The following RALGPS2 variants were observed in gnomAD, a reference collection of about 807,000 sequenced individuals.
RALGPS2 encodes the protein Ral GEF with PH domain and SH3 binding motif 2.
In RALGPS2, 43 loss-of-function variants were observed where a neutral mutation model predicts 86.8. That is an observed-to-expected ratio of 0.50 (90% CI 0.39 to 0.64). The LOEUF is 0.64. Among genes scored for constraint, RALGPS2 ranks in the 30% least tolerant of loss-of-function variants. The probability of loss-of-function intolerance (pLI) is 0.00; values close to 1 mark genes in which losing one functional copy is unlikely to be tolerated. For missense variants in RALGPS2, 536 were observed against 694.6 expected, an observed-to-expected ratio of 0.77 and a Z score of 2.57; for synonymous variants, 243 against 231.3, an observed-to-expected ratio of 1.05 and a Z score of -0.46.
chr1:178,785,714 A>G (rs1039161478), intron 4 of RALGPS2, 107 bp downstream of exon 4: 2 of 1,385,924 alleles, frequency 1.4e-6, no homozygotes, highest in South Asian at 1.6e-5. Flanking sequence ...AAAATGTTTG[A>G]AGCTTGTGTT....
intron 4 of RALGPS2, among the ~76,000 whole-genome samples, chr1:178,793,928 G>A (rs1392234250): frequency 6.6e-6 from 1 of 152,096 alleles, no homozygotes; most frequent in African/African-American, 2.4e-5. Context: ...ATTTTCCAAT[G>A]CTGAGTAGGG....
intron 17 of RALGPS2, among the ~76,000 whole-genome samples, chr1:178,899,604 C>T (rs995955214): frequency 6.6e-6 from 1 of 150,716 alleles, no homozygotes; most frequent in African/African-American, 2.4e-5. Context: ...CATAGCACCA[C>T]CTGTATTGTT....
At chr1:178,754,187 G>A (rs1294662133) in intron 1 of RALGPS2, among the ~76,000 whole-genome samples, 2 of 151,478 alleles carry the variant, frequency 1.3e-5, no homozygotes, top group African/African-American at 4.8e-5. Context: ...CAGTGTATTA[G>A]GGTTCTCCAG....
chr1:178,838,769 A>G (rs1027459654), intron 8 of RALGPS2, among the ~76,000 whole-genome samples: 2 of 152,194 alleles, frequency 1.3e-5, no homozygotes, highest in African/African-American at 4.8e-5. Flanking sequence ...ACCTTGAGAA[A>G]AGATCAGACG....
At chr1:178,771,253 TA>T (rs761876523) in intron 1 of RALGPS2, among the ~76,000 whole-genome samples, 3 of 152,200 alleles carry the variant, frequency 2.0e-5, no homozygotes, top group African/African-American at 4.8e-5. Context: ...AAGCATTTAC[TA>T]CCATCCAGTA....
intron 1 of RALGPS2, chr1:178,746,658 G>A: frequency 1.3e-6 from 1 of 768,664 alleles, no homozygotes; most frequent in South Asian, 1.3e-5. Context: ...ATTTATAGCT[G>A]CAGAATATTC....
intron 1 of RALGPS2, among the ~76,000 whole-genome samples, chr1:178,727,042 G>A (rs79254270): frequency 0.033 from 5,003 of 152,274 alleles, 95 homozygotes; most frequent in Middle Eastern, 0.058. Flanking sequence ...AAGCTTTGTA[G>A]GCATGAAGTT....
At position 178,785,988 on chromosome 1, in the gene RALGPS2, C is replaced by T. The variant is rs1388169072; in HGVS notation, c.213+381C>T. Among the ~76,000 whole-genome samples, 8 of 152,120 alleles carry T rather than the reference C, an allele frequency of 5.3e-5. No individual in the cohort carries two copies. The South Asian group carries it at 8.3e-4, about 16-fold the overall frequency. Reference sequence around the variant, plus strand: ...TTGTATGTTATATGTATTTTGTACTCGGTTCTTACAATAAACTAGAGAAAA... The same window carrying T: ...TTGTATGTTATATGTATTTTGTACTTGGTTCTTACAATAAACTAGAGAAAA... On this transcript the variant is annotated intron_variant, in intron 4 of 19. Transcript: ENST00000367635.
chr1:178,749,507 T>G (rs1281533389), intron 1 of RALGPS2, among the ~76,000 whole-genome samples: 1 of 152,150 alleles, frequency 6.6e-6, no homozygotes. Context: ...AAAGACAACC[T>G]TGAGGAGAGA....
chr1:178,748,184 A>G lies in RALGPS2; in HGVS notation c.-84+22765A>G, dbSNP rs539710441. Among the ~76,000 whole-genome samples, 51 of 152,110 alleles carry G rather than the reference A, an allele frequency of 3.4e-4. No homozygotes were observed. The Middle Eastern group carries it at 0.01, about 30-fold the overall frequency. ...AAAATACAAAAATTAGCTGGGCATC[A>G]TGGCATATGCCTGTAATCCCAGCCA... On this transcript the variant is annotated intron_variant, in intron 1 of 19. Transcript: ENST00000367635.
At chr1:178,797,689 T>G (rs1287001797) in intron 4 of RALGPS2, among the ~76,000 whole-genome samples, 1 of 152,082 alleles carries the variant, frequency 6.6e-6, no homozygotes. Context: ...ACCAAGAAAT[T>G]GATATTTTTA....
intron 1 of RALGPS2, among the ~76,000 whole-genome samples, chr1:178,774,299 A>G (rs1434886084): frequency 6.6e-6 from 1 of 152,116 alleles, no homozygotes; most frequent in African/African-American, 2.4e-5. Flanking sequence ...AGGAGAGAAA[A>G]TGTGATTCTT....
At chr1:178,771,267 G>A (rs1652800279) in intron 1 of RALGPS2, among the ~76,000 whole-genome samples, 1 of 152,194 alleles carries the variant, frequency 6.6e-6, no homozygotes, top group South Asian at 2.1e-4. Context: ...ATCCAGTACA[G>A]GACCTTTAGT....
intron 1 of RALGPS2, among the ~76,000 whole-genome samples, chr1:178,739,725 C>T (rs1437320936): frequency 6.6e-6 from 1 of 152,136 alleles, no homozygotes; most frequent in Admixed American, 6.5e-5. Context: ...TTCAAGAGAT[C>T]CAAAAGGTGA....
chr1:178,853,635 C>G lies in RALGPS2; in HGVS notation c.607+20085C>G, dbSNP rs2102297995. 3.1e-6 allele frequency: 5 copies of G among 1,607,942 alleles called. No individual in the cohort carries two copies. The highest frequency in any genetic ancestry group is 4.2e-6 in the Non-Finnish European group (5 of 1,177,500). On this transcript the variant is annotated intron_variant, in intron 8 of 19. Transcript: ENST00000367635. Reference sequence around the variant, plus strand: ...TTTCTGAAGAAGTTGACAGAGCCGTCTGTTCTTTTCTGAATAACAGTCCAA... The same window carrying G: ...TTTCTGAAGAAGTTGACAGAGCCGTGTGTTCTTTTCTGAATAACAGTCCAA...
At chr1:178,840,508 A>G (rs1402163814) in intron 8 of RALGPS2, among the ~76,000 whole-genome samples, 1 of 152,220 alleles carries the variant, frequency 6.6e-6, no homozygotes, top group Non-Finnish European at 1.5e-5. Flanking sequence ...AGCAGTGTGT[A>G]GAGGGAAATT....
chr1:178,889,688 T>C lies in RALGPS2; in HGVS notation c.1239T>C (p.Ala413=). ...TAAGTGAAGAGACCTCATGGCCTGC[T>C]TTTGAAAGGTAAGATAAATTGTCCA... ...SELSEETSWP[A]FERNRLYHSL... Residue 413 remains alanine, a synonymous_variant, in exon 14 of 20, where the codon GCT becomes GCC. Transcript: ENST00000367635. The C allele has an allele frequency of 6.2e-7, 1 of 1,604,746 alleles. No homozygotes were observed. The highest frequency in any genetic ancestry group is 1.1e-5 in the South Asian group (1 of 89,722).
At chr1:178,787,867 T>C (rs1045748482) in intron 4 of RALGPS2, among the ~76,000 whole-genome samples, 1 of 152,212 alleles carries the variant, frequency 6.6e-6, no homozygotes, top group Non-Finnish European at 1.5e-5. Flanking sequence ...CTTTGACCCC[T>C]CTAAATGCTT....
chr1:178,855,967 G>A (rs911306826), intron 8 of RALGPS2, among the ~76,000 whole-genome samples: 2 of 147,406 alleles, frequency 1.4e-5, no homozygotes, highest in Non-Finnish European at 3.0e-5. Flanking sequence ...TCTAATATAA[G>A]AACAAAAAAG....
Sources: allele counts gnomAD v4.1 joint callset (sites outside exome capture counted in the v4.1 genomes callset), GRCh38; gene constraint gnomAD v4.1.1; transcripts MANE v1.5; gene names NCBI Gene and HGNC (gene_info 2026-07-23, HGNC 2026-07-21).